The following KIAA1217 variants were observed in gnomAD, a reference collection of about 807,000 sequenced individuals.
The protein encoded by KIAA1217 is KIAA1217.
KIAA1217 carries 88 observed loss-of-function variants against 163.9 expected under a neutral mutation model. The ratio of observed to expected loss-of-function variants is 0.54; its 90% confidence interval spans 0.45 to 0.64. The LOEUF (loss-of-function observed/expected upper bound fraction) is 0.64, where lower values mean the gene tolerates loss of function less well. Among genes scored for constraint, KIAA1217 ranks in the 30% least tolerant of loss-of-function variants. The pLI is 0.00. For synonymous variants in KIAA1217, 903 were observed against 923.1 expected (o/e 0.98, Z 0.39); for missense variants, 2,372 against 2,475.0 (o/e 0.96, Z 0.88).
intron 1 of KIAA1217, among the ~76,000 whole-genome samples, chr10:23,973,218 G>A (rs1845395099): frequency 6.6e-6 from 1 of 152,108 alleles, no homozygotes; most frequent in South Asian, 2.1e-4. Flanking sequence ...AGAGAATTAA[G>A]TTTAGGAGGG....
chr10:24,144,003 A>T (rs2064198259), intron 2 of KIAA1217, among the ~76,000 whole-genome samples: 1 of 152,170 alleles, frequency 6.6e-6, no homozygotes, highest in Non-Finnish European at 1.5e-5. Flanking sequence ...TGTAAAAATG[A>T]ATGTGCATGT....
At chr10:23,897,167 A>G (rs775942510) in intron 1 of KIAA1217, among the ~76,000 whole-genome samples, 2 of 152,120 alleles carry the variant, frequency 1.3e-5, no homozygotes, top group Non-Finnish European at 2.9e-5. Flanking sequence ...TGTAAGCAAT[A>G]CTGCTGTCTA....
In KIAA1217 at chr10:24,521,865, C is replaced by T; in HGVS notation, c.2392C>T (p.His798Tyr). 6.2e-7 allele frequency: 1 copy of T among 1,613,908 alleles called. No individual in the cohort carries two copies. The highest frequency in any genetic ancestry group is 8.5e-7 in the Non-Finnish European group (1 of 1,180,034). The change falls in exon 12 of 21, where the codon CAC becomes TAC. Residue 798 changes from histidine to tyrosine, a missense_variant. By Grantham distance (83) the His-to-Tyr change is moderately conservative (BLOSUM62 2). Transcript: ENST00000376454. ...EAVRFLKEEP[H>Y]KLDSLLKRVR... ...CGTGCGGTTTCTGAAGGAGGAGCCA[C>T]ACAAGCTGGACAGTCTCCTGAAGCG...
intron 1 of KIAA1217, among the ~76,000 whole-genome samples, chr10:23,942,845 T>A (rs1406234688): frequency 6.6e-6 from 1 of 151,734 alleles, no homozygotes; most frequent in Non-Finnish European, 1.5e-5. Flanking sequence ...ACAGCGCTCA[T>A]GCCTGTAGTG....
At chr10:23,784,909 C>T (rs1835423518) in intron 1 of KIAA1217, among the ~76,000 whole-genome samples, 1 of 152,104 alleles carries the variant, frequency 6.6e-6, no homozygotes, top group Non-Finnish European at 1.5e-5. Flanking sequence ...CTGCCTCCAT[C>T]ATTTCTTGCC....
At chr10:24,519,362 T>A (rs969312803) in intron 10 of KIAA1217, among the ~76,000 whole-genome samples, 1 of 152,170 alleles carries the variant, frequency 6.6e-6, no homozygotes, top group Non-Finnish European at 1.5e-5. Context: ...TTCCCCTCTA[T>A]CCACAGACAC....
At chr10:24,528,649 C>G (rs1328916972) in intron 14 of KIAA1217, among the ~76,000 whole-genome samples, 1 of 152,118 alleles carries the variant, frequency 6.6e-6, no homozygotes, top group Non-Finnish European at 1.5e-5. Context: ...TTTATGCTAA[C>G]CACAGTAGAG....
intron 1 of KIAA1217, among the ~76,000 whole-genome samples, chr10:23,979,270 ACAG>A (rs1476529399): frequency 6.6e-6 from 1 of 152,212 alleles, no homozygotes; most frequent in Non-Finnish European, 1.5e-5. Context: ...AGGTGCAAAC[ACAG>A]CGTCCTAAAG....
chr10:23,830,666 ATAGG>A (rs143607296), intron 1 of KIAA1217, among the ~76,000 whole-genome samples: 5,044 of 147,830 alleles, frequency 0.034, 143 homozygotes, highest in African/African-American at 0.085. Flanking sequence ...ATGAGAAATC[ATAGG>A]TAGGTAGGTA....
chr10:23,775,072 A>T (rs1250860290), intron 1 of KIAA1217, among the ~76,000 whole-genome samples: 1 of 152,132 alleles, frequency 6.6e-6, no homozygotes, highest in Non-Finnish European at 1.5e-5. Flanking sequence ...ATGTTTAAGG[A>T]TAAGGTGTGT....
intron 2 of KIAA1217, among the ~76,000 whole-genome samples, chr10:24,034,275 C>T (rs1421008877): frequency 6.6e-6 from 1 of 152,018 alleles, no homozygotes; most frequent in African/African-American, 2.4e-5. Context: ...CCAAACAAAG[C>T]TAGCCAGGTG....
At position 24,266,062 on chromosome 10, in the gene KIAA1217, G is replaced by A. The variant is rs1281568975; in HGVS notation, c.354+46153G>A. Reference sequence around the variant, plus strand: ...CCAGTGTAATCAACATCAAATTTGTGTATCTGCAAAGGCTGATCTTTTTTT... The same window carrying A: ...CCAGTGTAATCAACATCAAATTTGTATATCTGCAAAGGCTGATCTTTTTTT... On this transcript the variant is annotated intron_variant, in intron 2 of 20. Coordinates refer to ENST00000376454, the MANE Select transcript of KIAA1217 (RefSeq NM_019590.5). Among the ~76,000 whole-genome samples the A allele has an allele frequency of 2.0e-5, 3 of 151,810 alleles. No individual in the cohort carries two copies. The East Asian group carries it at 5.8e-4, about 29-fold the overall frequency.
At chr10:24,028,079 A>G (rs1345393419) in intron 2 of KIAA1217, among the ~76,000 whole-genome samples, 1 of 152,134 alleles carries the variant, frequency 6.6e-6, no homozygotes, top group Non-Finnish European at 1.5e-5. Flanking sequence ...TGCTATTTTT[A>G]TTATCTAGCT....
chr10:24,536,585 G>A (rs1257017744), intron 16 of KIAA1217, among the ~76,000 whole-genome samples, 189 bp from the exon 17 acceptor site: 1 of 152,130 alleles, frequency 6.6e-6, no homozygotes, highest in East Asian at 1.9e-4. Context: ...CTCGGACTCT[G>A]CCTCCAAGCC....
intron 3 of KIAA1217, among the ~76,000 whole-genome samples, chr10:24,388,975 A>G (rs1336529020): frequency 6.6e-6 from 1 of 151,900 alleles, no homozygotes; most frequent in Non-Finnish European, 1.5e-5. Context: ...AACTAGTTCA[A>G]CCATTGTGGA....
intron 1 of KIAA1217, among the ~76,000 whole-genome samples, chr10:23,798,954 G>A (rs1207462723): frequency 1.3e-5 from 2 of 152,178 alleles, no homozygotes; most frequent in Non-Finnish European, 2.9e-5. Context: ...CACATTTCTG[G>A]AGGCTAGAAA....
Position 24,391,650 on chromosome 10 carries a change from T to C in KIAA1217, c.553+10583T>C, listed in dbSNP as rs371620290. ...GTGAGCCACCACACTTGGCCTAGGTTCTCCTGTTTCTCTTTCTTCCTTTGC... is the reference window on the plus strand; with the variant it reads ...GTGAGCCACCACACTTGGCCTAGGTCCTCCTGTTTCTCTTTCTTCCTTTGC... On this transcript the variant is annotated intron_variant, in intron 3 of 20. Coordinates refer to ENST00000376454, the MANE Select transcript of KIAA1217 (RefSeq NM_019590.5). Among the ~76,000 whole-genome samples the C allele has an allele frequency of 9.3e-4, 142 of 152,280 alleles. 1 individual carries two copies. The South Asian group carries it at 0.028, about 30-fold the overall frequency.
intron 2 of KIAA1217, among the ~76,000 whole-genome samples, chr10:24,239,565 G>A (rs542229415): frequency 6.7e-5 from 10 of 149,444 alleles, no homozygotes; most frequent in African/African-American, 2.5e-4. Flanking sequence ...TGCATTGTGC[G>A]TTCTGCTGAT....
At chr10:24,210,838 C>A (rs923515977) in intron 1 of KIAA1217, among the ~76,000 whole-genome samples, 7 of 151,932 alleles carry the variant, frequency 4.6e-5, no homozygotes, top group Admixed American at 4.6e-4. Context: ...AGACAATGAA[C>A]AAATAAATAA....
Sources: gnomAD v4.1 joint callset for allele counts (sites outside exome capture counted in the v4.1 genomes callset) on GRCh38, gnomAD v4.1.1 for gene constraint, MANE v1.5 for transcripts, NCBI Gene and HGNC (gene_info 2026-07-23, HGNC 2026-07-21) for gene names.